WWP2: variants seen among roughly 807,000 people sequenced by gnomAD.
WWP2 encodes the protein WW domain containing E3 ubiquitin protein ligase 2.
In WWP2, 57 loss-of-function variants were observed where a neutral mutation model predicts 121.0. That is an observed-to-expected ratio of 0.47 (90% CI 0.38 to 0.59). WWP2 has a LOEUF of 0.59. Among genes scored for constraint, WWP2 ranks in the 20% least tolerant of loss-of-function variants. WWP2 has a pLI of 0.00. For missense variants in WWP2, 962 were observed against 1,158.9 expected, an observed-to-expected ratio of 0.83 and a Z score of 2.47; for synonymous variants, 449 against 441.3, an observed-to-expected ratio of 1.02 and a Z score of -0.22.
At chr16:69,773,594 C>T (rs924556715) in intron 1 of WWP2, among the ~76,000 whole-genome samples, 1 of 152,082 alleles carries the variant, frequency 6.6e-6, no homozygotes, top group African/African-American at 2.4e-5. Context: ...TGATTTCCCA[C>T]CTCAGCCTCC....
intron 18 of WWP2, 65 bp from the exon 19 acceptor site, chr16:69,936,247 G>A (rs1242098838): frequency 1.2e-6 from 2 of 1,607,006 alleles, no homozygotes; most frequent in African/African-American, 1.3e-5. Flanking sequence ...ACGGGCAACA[G>A]AGCAGGATCC....
At chr16:69,801,230 T>A (rs115948668) in intron 4 of WWP2, among the ~76,000 whole-genome samples, 8,912 of 149,424 alleles carry the variant, frequency 0.06, 916 homozygotes, top group African/African-American at 0.2. Flanking sequence ...ATTTTTATTT[T>A]TATATATATA....
Position 69,934,034 on chromosome 16 carries a change from G to A in WWP2, c.1747G>A (p.Gly583Arg), listed in dbSNP as rs190041711. 22 of 1,614,028 alleles carry A rather than the reference G, an allele frequency of 1.4e-5. No homozygotes were observed. The highest frequency in any genetic ancestry group is 1.7e-4 in the Middle Eastern group (1 of 6,060). Residue 583 changes from glycine to arginine, a missense_variant, in exon 17 of 24, where the codon GGA becomes AGA. By Grantham distance (125) the Gly-to-Arg change is moderately radical. Transcript: ENST00000359154. The stretch of plus-strand genomic sequence containing the variant: ...TATGTATTGTTTATTTGAATATGCC[G>A]GAAAGAACAATTACTGCCTGCAGAT... ...NPMYCLFEYA[G>R]KNNYCLQINP... is the part of the protein sequence containing the mutation.
chr16:69,931,119 G>A lies in WWP2; in HGVS notation c.1446-33G>A, dbSNP rs1000146646. 2.4e-5 allele frequency: 39 copies of A among 1,604,728 alleles called. No individual in the cohort carries two copies. In the East Asian group the frequency reaches 4.9e-4, roughly 20 times the overall value. On this transcript the variant is annotated intron_variant, in intron 13 of 23. Transcript: ENST00000359154. ...CAAATTGTTCATTTTCTGAGAAATC[G>A]CATGAACCCCTGAACATCTTTGCTC...
intron 4 of WWP2, among the ~76,000 whole-genome samples, chr16:69,826,549 G>A (rs1297606005): frequency 7.3e-6 from 1 of 137,270 alleles, no homozygotes; most frequent in Admixed American, 7.9e-5. Context: ...TCCAGGCTGG[G>A]CAACAGAGTG....
At chr16:69,875,095 A>G (rs2057712702) in intron 7 of WWP2, among the ~76,000 whole-genome samples, 1 of 152,200 alleles carries the variant, frequency 6.6e-6, no homozygotes, top group Non-Finnish European at 1.5e-5. Flanking sequence ...ACACACCTTC[A>G]AGATATTATG....
intron 6 of WWP2, among the ~76,000 whole-genome samples, chr16:69,856,677 G>C (rs893320381): frequency 6.6e-6 from 1 of 152,078 alleles, no homozygotes; most frequent in Non-Finnish European, 1.5e-5. Context: ...GGGAGGCTGA[G>C]GCAGGAGGAT....
chr16:69,902,205 C>G (rs113888876), intron 8 of WWP2, among the ~76,000 whole-genome samples: 5 of 152,140 alleles, frequency 3.3e-5, no homozygotes, highest in African/African-American at 1.2e-4. Flanking sequence ...AGATGATTTC[C>G]TGTCTGATAA....
intron 4 of WWP2, among the ~76,000 whole-genome samples, chr16:69,811,678 C>T (rs1284520156): frequency 6.6e-6 from 1 of 152,100 alleles, no homozygotes; most frequent in Non-Finnish European, 1.5e-5. Context: ...CACTTGGGCA[C>T]AGGACTTAGA....
rs180791167 is a variant in WWP2 at position 69,805,430 on chromosome 16, A to G, written c.340+6135A>G. On this transcript the variant is annotated intron_variant, in intron 4 of 23. Coordinates refer to ENST00000359154, the MANE Select transcript of WWP2 (RefSeq NM_001270454.2). ...TATTTTGTGTTAGTTGCTTTGCATAAAACTTTCTGTTTTAGTGGTGATAGA... is the reference window on the plus strand; with the variant it reads ...TATTTTGTGTTAGTTGCTTTGCATAGAACTTTCTGTTTTAGTGGTGATAGA... Among the ~76,000 whole-genome samples the G allele has an allele frequency of 2.2e-4, 33 of 152,260 alleles. No homozygotes were observed. The East Asian group carries it at 6.2e-3, about 28-fold the overall frequency.
intron 8 of WWP2, among the ~76,000 whole-genome samples, chr16:69,907,972 G>T (rs913602241): frequency 1.3e-5 from 2 of 152,222 alleles, no homozygotes; most frequent in African/African-American, 4.8e-5. Flanking sequence ...CGGGTGCGGT[G>T]GCTCACTCCT....
At chr16:69,810,068 C>A (rs2056358832) in intron 4 of WWP2, among the ~76,000 whole-genome samples, 2 of 152,176 alleles carry the variant, frequency 1.3e-5, no homozygotes, top group South Asian at 4.1e-4. Context: ...AGCATCTTTT[C>A]CTGGGGAAGG....
At chr16:69,777,976 G>T (rs1180894980) in intron 1 of WWP2, among the ~76,000 whole-genome samples, 2 of 150,412 alleles carry the variant, frequency 1.3e-5, no homozygotes, top group Admixed American at 1.3e-4. Flanking sequence ...AGGCTGAGGT[G>T]AGAGGATTGC....
chr16:69,767,067 A>C (rs1774814818), intron 1 of WWP2, among the ~76,000 whole-genome samples: 2 of 150,012 alleles, frequency 1.3e-5, no homozygotes, highest in Admixed American at 1.3e-4. Flanking sequence ...TTTGAAAACC[A>C]CAAGCTAATG....
chr16:69,814,909 G>T (rs1394142828), intron 4 of WWP2, among the ~76,000 whole-genome samples: 1 of 151,930 alleles, frequency 6.6e-6, no homozygotes, highest in Non-Finnish European at 1.5e-5. Flanking sequence ...TGAGTCAGTG[G>T]GAGAAGAGAA....
intron 1 of WWP2, among the ~76,000 whole-genome samples, chr16:69,772,176 G>A (rs1350220304): frequency 1.3e-5 from 2 of 151,756 alleles, no homozygotes; most frequent in African/African-American, 2.4e-5. Context: ...GGTCAGGCTG[G>A]TCTCGAACTC....
chr16:69,790,598 CAG>C (rs1475216436), intron 2 of WWP2, among the ~76,000 whole-genome samples: 3 of 151,972 alleles, frequency 2.0e-5, no homozygotes, highest in Admixed American at 1.3e-4. Flanking sequence ...GTTTTTGAGA[CAG>C]AGTCTCACTC....
At chr16:69,768,562 A>G (rs1367420694) in intron 1 of WWP2, among the ~76,000 whole-genome samples, 1 of 152,166 alleles carries the variant, frequency 6.6e-6, no homozygotes, top group Non-Finnish European at 1.5e-5. Flanking sequence ...GTGAGCCGAG[A>G]TTGCATCACT....
intron 4 of WWP2, among the ~76,000 whole-genome samples, chr16:69,823,863 A>G (rs2151848236): frequency 6.6e-6 from 1 of 152,292 alleles, no homozygotes. Flanking sequence ...ACAGTTCTAG[A>G]AACTTCTTCC....
Sources: gnomAD v4.1 joint callset for allele counts (sites outside exome capture counted in the v4.1 genomes callset) on GRCh38, gnomAD v4.1.1 for gene constraint, MANE v1.5 for transcripts, NCBI Gene and HGNC (gene_info 2026-07-23, HGNC 2026-07-21) for gene names.